ATP11A: variants seen among roughly 807,000 people sequenced by gnomAD.
ATP11A encodes ATPase phospholipid transporting 11A.
In ATP11A, 81 loss-of-function variants were observed where a neutral mutation model predicts 154.4. That is an observed-to-expected ratio of 0.52 (90% CI 0.44 to 0.63). The LOEUF (loss-of-function observed/expected upper bound fraction) is 0.63, where lower values mean the gene tolerates loss of function less well. Among genes scored for constraint, ATP11A ranks in the 30% least tolerant of loss-of-function variants. The pLI is 0.00. For synonymous variants in ATP11A, 623 were observed against 585.9 expected (o/e 1.06, Z -0.91); for missense variants, 1,316 against 1,474.3 (o/e 0.89, Z 1.76).
At chr13:112,858,122 G>A (rs754877168) in intron 21 of ATP11A, 23 bp from the exon 22 acceptor site, 1 of 1,609,478 alleles carries the variant, frequency 6.2e-7, no homozygotes, top group Non-Finnish European at 8.5e-7. Context: ...CATTTCTTCA[G>A]CTCCTTCACC....
At chr13:112,791,752 C>T (rs373186705) in intron 2 of ATP11A, among the ~76,000 whole-genome samples, 8 of 152,316 alleles carry the variant, frequency 5.3e-5, no homozygotes, top group African/African-American at 1.9e-4. Context: ...TGGGCCCTTC[C>T]TCTCCGCTGC....
At chr13:112,812,812 G>T (rs1448190359) in intron 5 of ATP11A, among the ~76,000 whole-genome samples, 2 of 152,238 alleles carry the variant, frequency 1.3e-5, no homozygotes, top group Admixed American at 1.3e-4. Context: ...GAGGTCGGGG[G>T]TTCAGAGAGC....
In ATP11A at chr13:112,740,275, C is replaced by T. The variant is rs530814150; in HGVS notation, c.40-44860C>T. 7.3e-4 allele frequency among the ~76,000 whole-genome samples: 111 copies of T among 152,112 alleles called. 2 individuals are homozygous for T. Among genetic ancestry groups the T allele is most frequent in the African/African-American group, 2.4e-3 (100 of 41,522 alleles). On this transcript the variant is annotated intron_variant, in intron 1 of 29. Transcript: ENST00000375645. ...GCTCATTGCAACCTCATCCCAGGTT[C>T]AAGTGATTCTCCTGCCTCAGCCTCC... is the stretch of plus-strand genomic sequence containing the variant.
chr13:112,718,257 T>C (rs1888718800), intron 1 of ATP11A, among the ~76,000 whole-genome samples: 2 of 152,180 alleles, frequency 1.3e-5, no homozygotes, highest in Non-Finnish European at 2.9e-5. Flanking sequence ...AAAAACAATA[T>C]AGATATTAAA....
intron 1 of ATP11A, among the ~76,000 whole-genome samples, chr13:112,739,512 T>C (rs1356184189): frequency 1.3e-5 from 2 of 152,244 alleles, no homozygotes; most frequent in Non-Finnish European, 2.9e-5. Flanking sequence ...TCTTGTGCAT[T>C]GCTGGTTTGG....
In ATP11A at chr13:112,835,095, G is replaced by A. The variant is rs114206450; in HGVS notation, c.1631+435G>A. On this transcript the variant is annotated intron_variant, in intron 15 of 29. Transcript: ENST00000375645. The stretch of plus-strand genomic sequence containing the variant: ...CTGGCTCACGTGCTGGGAGCACAGC[G>A]TCGTGTCGAAAACAGTTTGCACAGT... Among the ~76,000 whole-genome samples the A allele has an allele frequency of 3.5e-3, 536 of 152,352 alleles. 4 individuals are homozygous for A. The highest frequency in any genetic ancestry group is 0.011 in the African/African-American group (462 of 41,574).
At chr13:112,835,963 ACT>A (rs1164661332) in intron 15 of ATP11A, among the ~76,000 whole-genome samples, 7 of 152,194 alleles carry the variant, frequency 4.6e-5, no homozygotes, top group South Asian at 4.1e-4. Flanking sequence ...CAGGGCCCAG[ACT>A]CTGCCCCACT....
At chr13:112,832,279 C>T (rs1371256442) in intron 13 of ATP11A, among the ~76,000 whole-genome samples, 1 of 152,204 alleles carries the variant, frequency 6.6e-6, no homozygotes, top group East Asian at 1.9e-4. Flanking sequence ...AGGTCCCAGC[C>T]GGCTGTGGCC....
At chr13:112,845,792 T>TACCAGGCACTAGCGGTACTAACCAG (rs1566564917) in intron 17 of ATP11A, among the ~76,000 whole-genome samples, 1 of 89,714 alleles carries the variant, frequency 1.1e-5, no homozygotes, top group Non-Finnish European at 2.3e-5. Context: ...CCAGTCCAGT[T>TACCAGGCACTAGCGGTACTAACCAG]TCCAGGCACT....
At chr13:112,843,798 C>T (rs963168985) in intron 17 of ATP11A, among the ~76,000 whole-genome samples, 1 of 152,220 alleles carries the variant, frequency 6.6e-6, no homozygotes, top group Non-Finnish European at 1.5e-5. Flanking sequence ...CTGTGAACTT[C>T]GTGGAATGCT....
rs1182024196 is a variant in ATP11A, at chr13:112,882,965, G to A, written c.*1099G>A. The A allele has an allele frequency of 1.5e-5, 6 of 399,016 alleles. No homozygotes were observed. The highest frequency in any genetic ancestry group is 2.2e-5 in the Non-Finnish European group (5 of 226,548). 24.7% of individuals were successfully genotyped at this position (399,016 alleles called of 1,614,324 possible). A position where few individuals can be genotyped will look rare whatever the true frequency, so the allele number is the denominator to read the frequency against. On this transcript the variant is annotated 3_prime_UTR_variant, in exon 30 of 30. Coordinates refer to ENST00000375645, the MANE Select transcript of ATP11A (RefSeq NM_015205.3). The surrounding 1 kb of genome is among the most constrained non-coding windows in gnomAD (Gnocchi z 5.1). Reference sequence around the variant, plus strand: ...AGCACCGCACCTCTGCCCGCCTCCCGCACTGCAGCTCCGCCCGCCGGGCTC... The same window carrying A: ...AGCACCGCACCTCTGCCCGCCTCCCACACTGCAGCTCCGCCCGCCGGGCTC...
chr13:112,845,365 G>A (rs1307409980), intron 17 of ATP11A, among the ~76,000 whole-genome samples: 5 of 107,500 alleles, frequency 4.7e-5, no homozygotes, highest in South Asian at 5.4e-4. Context: ...CAGCACTAGC[G>A]GTACTATTCA....
chr13:112,848,768 A>G (rs950025442), intron 17 of ATP11A, among the ~76,000 whole-genome samples: 3 of 152,126 alleles, frequency 2.0e-5, no homozygotes, highest in East Asian at 1.9e-4. Context: ...GCTCACTGCA[A>G]CCTCTGCCTC....
At position 112,832,955 on chromosome 13, in the gene ATP11A, C is replaced by T. The variant is rs763209110; in HGVS notation, c.1491C>T (p.Asp497=). 23 of 1,613,794 alleles carry T rather than the reference C, an allele frequency of 1.4e-5. No individual in the cohort carries two copies. Among genetic ancestry groups the T allele is most frequent in the Non-Finnish European group, 1.8e-5 (21 of 1,179,926 alleles). ...TAGACGGCCCCAGGAAATCGCCGGACGGGGGGAAATCCTGTGTGTACATCT... is the reference window on the plus strand; with the variant it reads ...TAGACGGCCCCAGGAAATCGCCGGATGGGGGGAAATCCTGTGTGTACATCT... ...DSVDGPRKSP[D]GGKSCVYISS... The change falls in exon 14 of 30, where the codon GAC becomes GAT. Residue 497 remains aspartate, a synonymous_variant. Coordinates refer to ENST00000375645, the MANE Select transcript of ATP11A (RefSeq NM_015205.3).
intron 1 of ATP11A, among the ~76,000 whole-genome samples, chr13:112,695,621 T>G (rs901414127): frequency 3.3e-5 from 5 of 152,212 alleles, no homozygotes; most frequent in Admixed American, 3.3e-4. Context: ...TCAGCTAAAT[T>G]TCTAGGGATA....
At chr13:112,748,253 G>T (rs1892401398) in intron 1 of ATP11A, among the ~76,000 whole-genome samples, 1 of 152,238 alleles carries the variant, frequency 6.6e-6, no homozygotes, top group South Asian at 2.1e-4. Context: ...ACAGAAGCTA[G>T]AAGGCATTTG....
chr13:112,710,831 G>A (rs76748956), intron 1 of ATP11A, among the ~76,000 whole-genome samples: 3,057 of 152,310 alleles, frequency 0.02, 89 homozygotes, highest in African/African-American at 0.07. Flanking sequence ...TTCACCTGCC[G>A]TCACTATCAT....
intron 1 of ATP11A, among the ~76,000 whole-genome samples, chr13:112,737,946 C>G (rs1891164815): frequency 6.6e-6 from 1 of 152,172 alleles, no homozygotes; most frequent in Admixed American, 6.5e-5. Context: ...GGAATTGACC[C>G]TTGAAGAGTT....
intron 1 of ATP11A, among the ~76,000 whole-genome samples, chr13:112,757,283 G>T (rs1471926277): frequency 6.6e-6 from 1 of 152,234 alleles, no homozygotes; most frequent in African/African-American, 2.4e-5. Flanking sequence ...CTCTCCAGTG[G>T]TGAACAAACA....
Sources: gnomAD v4.1 joint callset for allele counts (sites outside exome capture counted in the v4.1 genomes callset) on GRCh38, gnomAD v4.1.1 for gene constraint, Gnocchi (gnomAD v3.1) non-coding constraint, MANE v1.5 for transcripts, NCBI Gene and HGNC (gene_info 2026-07-23, HGNC 2026-07-21) for gene names.